The following ADRM1 variants were observed in gnomAD, a reference collection of about 807,000 sequenced individuals.
The protein encoded by ADRM1 is proteasomal ubiquitin receptor ADRM1.
A neutral mutation model predicts 40.1 loss-of-function variants in ADRM1; 2 were observed. The ratio of observed to expected loss-of-function variants is 0.05; its 90% CI spans 0.02 to 0.16. The LOEUF (loss-of-function observed/expected upper bound fraction) is 0.16. ADRM1 is among the 10% of genes least tolerant of loss of function. The probability of loss-of-function intolerance (pLI) is 1.00; values close to 1 mark genes in which losing one functional copy is unlikely to be tolerated. For synonymous variants in ADRM1, 287 were observed against 240.4 expected, an observed-to-expected ratio of 1.19 and a Z score of -1.79; for missense variants, 467 against 552.5, an observed-to-expected ratio of 0.85 and a Z score of 1.55.
rs1036239383 is a variant in ADRM1, at chr20:62,303,557, C to T, written c.-1-11C>T. The T allele has an allele frequency of 2.6e-5, 40 of 1,562,382 alleles. 1 individual carries two copies. In the Admixed American group the frequency reaches 3.0e-4, roughly 12 times the overall value. ...GACCGCCGCGTCTCAGCGTCCTCTC[C>T]GCGCTTTCAGGATGACGACCTCAGG... On this transcript the variant is annotated splice_polypyrimidine_tract_variant and intron_variant, in intron 1 of 9. Transcript: ENST00000253003.
Position 62,306,813 on chromosome 20 carries a change from C to T in ADRM1, c.541+79C>T, listed in dbSNP as rs935886137. On this transcript the variant is annotated intron_variant, in intron 5 of 9. Transcript: ENST00000253003. ...CCCGGTCTCTGTTTCCTTTAAACTT[C>T]TGCTGGCTCTGTCTGCGTAGTGTCG... is the stretch of plus-strand genomic sequence containing the variant. The T allele has an allele frequency of 3.4e-5, 45 of 1,324,162 alleles. No homozygotes were observed. The East Asian group carries it at 1.0e-3, about 30-fold the overall frequency. The allele number at this position is 1,324,162 out of a possible 1,614,324, so 82.0% of individuals were successfully genotyped here.
rs1203945084 is a variant in ADRM1, at chr20:62,303,478, C to T, written c.-1-90C>T. 32 of 1,339,588 alleles carry T rather than the reference C, an allele frequency of 2.4e-5. No individual in the cohort carries two copies. The East Asian group carries it at 6.7e-4, about 28-fold the overall frequency. The allele number at this position is 1,339,588 out of a possible 1,614,324, so 83.0% of individuals were successfully genotyped here. A position where few individuals can be genotyped will look rare whatever the true frequency, so the allele number is the denominator to read the frequency against. On this transcript the variant is annotated intron_variant, in intron 1 of 9. Transcript: ENST00000253003. ...CCTTAGGCAGCTCTGGGCGCAGGCC[C>T]CCTGCTCGCAAACACCCCAGGGGGC...
At chr20:62,306,616 G>A (rs370960444) in intron 4 of ADRM1, 32 bp from the exon 5 acceptor site, 221 of 1,579,464 alleles carry the variant, frequency 1.4e-4, no homozygotes, top group Non-Finnish European at 1.9e-4. Context: ...ATCTGGCTGG[G>A]GCAGGCCCGC....
intron 3 of ADRM1, 101 bp from the exon 4 acceptor site, chr20:62,306,096 C>G: frequency 1.3e-6 from 2 of 1,495,482 alleles, no homozygotes; most frequent in Middle Eastern, 2.0e-4. Context: ...CGCGCCTCTG[C>G]GTCTCAGGTC....
chr20:62,303,682 G>A lies in ADRM1; in HGVS notation c.114G>A (p.Val38=). Residue 38 remains valine, a synonymous_variant, in exon 2 of 10, where the codon GTG becomes GTA. Transcript: ENST00000253003. ...AGKMSLKGTT[V]TPDKRKGLVY... is the part of the protein sequence containing the mutation. The stretch of plus-strand genomic sequence containing the variant: ...AGATGTCCCTGAAGGGGACCACCGT[G>A]ACTCCGGATAAGCGGAAAGGGCTGG... 6.2e-7 allele frequency: 1 copy of A among 1,612,494 alleles called. No individual in the cohort carries two copies. Among genetic ancestry groups the A allele is most frequent in the Non-Finnish European group, 8.5e-7 (1 of 1,180,000 alleles).
At position 62,308,843 on chromosome 20, in the gene ADRM1, T is replaced by C; in HGVS notation, c.*82T>C. ...TCCCACCCACTGATTATTAATAAAG[T>C]CTTTTCTTTTACCTGCCAATGCTTA... On this transcript the variant is annotated 3_prime_UTR_variant, in exon 10 of 10. Transcript: ENST00000253003. 6.5e-7 allele frequency: 1 copy of C among 1,536,904 alleles called. No individual in the cohort carries two copies. Among genetic ancestry groups the C allele is most frequent in the Middle Eastern group, 2.1e-4 (1 of 4,734 alleles).
At position 62,308,836 on chromosome 20, in the gene ADRM1, A is replaced by G; in HGVS notation, c.*75A>G. ...CCTCACCTCCCACCCACTGATTATT[A>G]ATAAAGTCTTTTCTTTTACCTGCCA... is the stretch of plus-strand genomic sequence containing the variant. On this transcript the variant is annotated 3_prime_UTR_variant, in exon 10 of 10. Coordinates refer to ENST00000253003, the MANE Select transcript of ADRM1 (RefSeq NM_007002.4). The G allele has an allele frequency of 6.4e-7, 1 of 1,554,616 alleles. No homozygotes were observed. Among genetic ancestry groups the G allele is most frequent in the Non-Finnish European group, 8.7e-7 (1 of 1,152,918 alleles).
chr20:62,307,790 C>A lies in ADRM1; in HGVS notation c.818C>A (p.Thr273Lys). The A allele has an allele frequency of 1.2e-6, 2 of 1,610,808 alleles. No homozygotes were observed. The highest frequency in any genetic ancestry group is 2.2e-5 in the East Asian group (1 of 44,826). Residue 273 changes from threonine (T) to lysine (K), a missense_variant, in exon 7 of 10, where the codon ACG becomes AAG. Thr to Lys is a moderately conservative substitution (Grantham distance 78, BLOSUM62 -1). Transcript: ENST00000253003. ...AGCGACCTCCAGAGCATCCTGGCCA[C>A]GATGAACGTACCAGCCGGGCCAGCA... ...QLSDLQSILATMNVPAGPAGG... is the reference protein window; with the variant it reads ...QLSDLQSILAKMNVPAGPAGG...
chr20:62,304,144 T>A (rs964385379), intron 2 of ADRM1: 4 of 476,376 alleles, frequency 8.4e-6, no homozygotes, highest in South Asian at 2.4e-5. Context: ...AACTCTTAGT[T>A]GTTCTTTGTT....
At position 62,306,719 on chromosome 20, in the gene ADRM1, G is replaced by A. The variant is rs751349690; in HGVS notation, c.526G>A (p.Gly176Ser). 5.0e-6 allele frequency: 8 copies of A among 1,608,558 alleles called. No homozygotes were observed. Among genetic ancestry groups the A allele is most frequent in the East Asian group, 2.2e-5 (1 of 44,714 alleles). The change falls in exon 5 of 10, where the codon GGC becomes AGC. Residue 176 changes from glycine (G) to serine (S), a missense_variant. Physicochemically the swap from Gly to Ser is moderately conservative, Grantham distance 56. Coordinates refer to ENST00000253003, the MANE Select transcript of ADRM1 (RefSeq NM_007002.4). ...GCTCATGCAGCTCATCGGACCAGCC[G>A]GCCTTGGAGGACTGGGTAACGTGCG... ...SQLMQLIGPA[G>S]LGGLGGLGAL...
chr20:62,306,671 C>T lies in ADRM1; in HGVS notation c.478C>T (p.Leu160=). ...LGGEGGLQSL[L]GNMSHSQLMQ... ...AGGTGAGGGTGGCCTGCAGAGCCTGCTGGGAAACATGAGCCACAGCCAGCT... is the reference window on the plus strand; with the variant it reads ...AGGTGAGGGTGGCCTGCAGAGCCTGTTGGGAAACATGAGCCACAGCCAGCT... Residue 160 remains leucine, a synonymous_variant, in exon 5 of 10, where the codon CTG becomes TTG. Transcript: ENST00000253003. 2.5e-6 allele frequency: 4 copies of T among 1,609,836 alleles called. No homozygotes were observed. The highest frequency in any genetic ancestry group is 3.4e-6 in the Non-Finnish European group (4 of 1,178,604).
intron 2 of ADRM1, 138 bp from the exon 3 acceptor site, chr20:62,304,323 C>T (rs1314234040): frequency 3.0e-6 from 2 of 670,936 alleles, no homozygotes; most frequent in Admixed American, 2.3e-5. Flanking sequence ...TGTGGAGACC[C>T]TGCCAGCGAG....
rs142027985 is a variant in ADRM1 at position 62,308,858 on chromosome 20, G to GC, written c.*99dup. The GC allele has an allele frequency of 2.4e-3, 3,689 of 1,510,038 alleles. 59 individuals carry two copies. The African/African-American group carries it at 0.037, about 15-fold the overall frequency. 93.5% of individuals were successfully genotyped at this position (1,510,038 alleles called of 1,614,324 possible). A position where few individuals can be genotyped will look rare whatever the true frequency, so the allele number is the denominator to read the frequency against. On this transcript the variant is annotated 3_prime_UTR_variant, in exon 10 of 10. Coordinates refer to ENST00000253003, the MANE Select transcript of ADRM1 (RefSeq NM_007002.4). ...ATTAATAAAGTCTTTTCTTTTACCT[G>GC]CCAATGCTTAGTTTCTTTGCCCAAA...
At chr20:62,307,486 C>CG (rs1985219297) in intron 6 of ADRM1, 34 bp downstream of exon 6, 1 of 1,603,614 alleles carries the variant, frequency 6.2e-7, no homozygotes, top group Non-Finnish European at 8.5e-7. Context: ...GCAGGTGCCA[C>CG]GGTGTTAAGG....
chr20:62,304,707 A>G (rs979118509), intron 3 of ADRM1, 130 bp downstream of exon 3: 5 of 871,228 alleles, frequency 5.7e-6, no homozygotes, highest in South Asian at 1.4e-5. Context: ...ACGGCCTGAG[A>G]TGCCACCTCA....
rs967013168 is a variant in ADRM1 at position 62,306,797 on chromosome 20, T to C, written c.541+63T>C. Reference sequence around the variant, plus strand: ...TGGGAATGCTTTGAGGCCCGGTCTCTGTTTCCTTTAAACTTCTGCTGGCTC... The same window carrying C: ...TGGGAATGCTTTGAGGCCCGGTCTCCGTTTCCTTTAAACTTCTGCTGGCTC... On this transcript the variant is annotated intron_variant, in intron 5 of 9. Coordinates refer to ENST00000253003, the MANE Select transcript of ADRM1 (RefSeq NM_007002.4). The C allele has an allele frequency of 1.6e-5, 23 of 1,430,616 alleles. No homozygotes were observed. In the Admixed American group the frequency reaches 5.1e-4, roughly 31 times the overall value. The allele number at this position is 1,430,616 out of a possible 1,614,324, so 88.6% of individuals were successfully genotyped here. A position where few individuals can be genotyped will look rare whatever the true frequency, so the allele number is the denominator to read the frequency against.
rs73311372 is a variant in ADRM1, at chr20:62,304,800, G to A, written c.330+223G>A. On this transcript the variant is annotated intron_variant, in intron 3 of 9. Coordinates refer to ENST00000253003, the MANE Select transcript of ADRM1 (RefSeq NM_007002.4). Reference sequence around the variant, plus strand: ...GGCTGGGCTGCGGGCAACCGATTGCGGTGTGAAATTTCCAGGCAGACAGAC... The same window carrying A: ...GGCTGGGCTGCGGGCAACCGATTGCAGTGTGAAATTTCCAGGCAGACAGAC... 1.7e-3 allele frequency among the ~76,000 whole-genome samples: 256 copies of A among 152,390 alleles called. 1 individual carries two copies. The highest frequency in any genetic ancestry group is 5.8e-3 in the African/African-American group (241 of 41,594).
chr20:62,306,328 TCA>T lies in ADRM1; in HGVS notation c.454+11_454+12del. Reference sequence around the variant, plus strand: ...AACTCTCTGCGCTAGGCGGTAACTGTCACATGTGTCACGTGAGCTCAGGGTTT... The same window carrying T: ...AACTCTCTGCGCTAGGCGGTAACTGTCATGTGTCACGTGAGCTCAGGGTTT... On this transcript the variant is annotated intron_variant, in intron 4 of 9. Transcript: ENST00000253003. The T allele has an allele frequency of 6.2e-7, 1 of 1,612,632 alleles. No individual in the cohort carries two copies. The highest frequency in any genetic ancestry group is 1.1e-5 in the South Asian group (1 of 91,070).
chr20:62,307,675 G>T lies in ADRM1; in HGVS notation c.703G>T (p.Ala235Ser). ...TRATPAPSAP[A>S]AASATSPSPA... The stretch of plus-strand genomic sequence containing the variant: ...TGCCACCCCAGCCCCTTCTGCTCCA[G>T]CAGCTGCCTCAGCAACTAGCCCGAG... Residue 235 changes from alanine (A) to serine (S), a missense_variant, in exon 7 of 10, where the codon GCA (alanine) becomes TCA (serine). By Grantham distance (99) the Ala-to-Ser change is moderately conservative. Transcript: ENST00000253003. The T allele has an allele frequency of 6.2e-7, 1 of 1,612,218 alleles. No individual in the cohort carries two copies. Among genetic ancestry groups the T allele is most frequent in the Non-Finnish European group, 8.5e-7 (1 of 1,179,914 alleles).
Sources: gnomAD v4.1 joint callset for allele counts (sites outside exome capture counted in the v4.1 genomes callset) on GRCh38, gnomAD v4.1.1 for gene constraint, MANE v1.5 for transcripts, NCBI Gene and HGNC (gene_info 2026-07-23, HGNC 2026-07-21) for gene names.